The following NAALADL2 variants were observed in gnomAD, a reference collection of about 807,000 sequenced individuals.
The protein encoded by NAALADL2 is N-acetylated alpha-linked acidic dipeptidase like 2.
Under a neutral mutation model 87.2 loss-of-function variants are expected in NAALADL2, and 76 were observed. The observed-to-expected ratio is 0.87, with a 90% CI of 0.72 to 1.05. The LOEUF is 1.05. Ranked by LOEUF, NAALADL2 falls within the 50% of genes least tolerant of loss-of-function variation. NAALADL2 has a pLI of 0.00. For synonymous variants in NAALADL2, 354 were observed against 331.0 expected (o/e 1.07, Z -0.75); for missense variants, 1,089 against 945.8 (o/e 1.15, Z -1.99).
At chr3:175,150,039 C>T (rs965492450) in intron 2 of NAALADL2, among the ~76,000 whole-genome samples, 7 of 152,152 alleles carry the variant, frequency 4.6e-5, no homozygotes, top group Admixed American at 4.6e-4. Flanking sequence ...GCTACTACCT[C>T]AGGTATTAGA....
At chr3:174,940,557 A>AT (rs1000832813) in intron 1 of NAALADL2, among the ~76,000 whole-genome samples, 4 of 151,134 alleles carry the variant, frequency 2.6e-5, no homozygotes, top group Admixed American at 2.0e-4. Flanking sequence ...CTCCTCTTCA[A>AT]TTTTTTTTTG....
intron 1 of NAALADL2, among the ~76,000 whole-genome samples, chr3:175,030,862 G>A (rs1050254065): frequency 9.9e-5 from 15 of 151,692 alleles, no homozygotes; most frequent in African/African-American, 3.2e-4. Flanking sequence ...ATTTTGGATT[G>A]TATCTATTTA....
intron 2 of NAALADL2, among the ~76,000 whole-genome samples, chr3:175,191,075 A>T (rs1738120566): frequency 6.6e-6 from 1 of 152,176 alleles, no homozygotes; most frequent in Admixed American, 6.5e-5. Flanking sequence ...ATGGTTAATA[A>T]CATTGTACTG....
chr3:174,503,527 T>TC (rs1719031910), intron 1 of NAALADL2, among the ~76,000 whole-genome samples: 4 of 152,278 alleles, frequency 2.6e-5, no homozygotes, highest in Middle Eastern at 3.4e-3. Context: ...TTGTCCAAAC[T>TC]CTATTTTTTA....
At chr3:174,662,286 T>A (rs1028165863) in intron 2 of NAALADL2, among the ~76,000 whole-genome samples, 1 of 152,142 alleles carries the variant, frequency 6.6e-6, no homozygotes, top group Non-Finnish European at 1.5e-5. Context: ...CAACTTGAAG[T>A]GGAGAGTATA....
At chr3:174,726,593 G>A (rs1732214079) in intron 2 of NAALADL2, among the ~76,000 whole-genome samples, 2 of 151,780 alleles carry the variant, frequency 1.3e-5, no homozygotes, top group African/African-American at 2.4e-5. Flanking sequence ...ATAGTACTTG[G>A]CTTCTTTGCA....
upstream of NAALADL2, among the ~76,000 whole-genome samples, chr3:174,855,999 TATATGA>T (rs1419936883): frequency 1.5e-5 from 2 of 131,928 alleles, no homozygotes; most frequent in African/African-American, 5.7e-5. Context: ...TATATATATA[TATATGA>T]GAGAGAGAAG....
intron 2 of NAALADL2, among the ~76,000 whole-genome samples, chr3:174,649,872 A>C (rs1475435287): frequency 6.6e-6 from 1 of 152,122 alleles, no homozygotes; most frequent in Non-Finnish European, 1.5e-5. Flanking sequence ...TGAGTATTAA[A>C]ATCTTTTTAT....
chr3:175,554,786 C>T (rs1174833157), intron 9 of NAALADL2, among the ~76,000 whole-genome samples: 1 of 152,022 alleles, frequency 6.6e-6, no homozygotes, highest in Non-Finnish European at 1.5e-5. Flanking sequence ...ATAAAAAATA[C>T]TGCTTAAAGT....
intron 11 of NAALADL2, among the ~76,000 whole-genome samples, chr3:175,662,927 C>A (rs1419499521): frequency 1.3e-5 from 2 of 151,584 alleles, no homozygotes; most frequent in African/African-American, 4.8e-5. Flanking sequence ...TTACTTTCTT[C>A]AGGGATATTG....
chr3:174,995,371 TA>T (rs1366771277), intron 1 of NAALADL2, among the ~76,000 whole-genome samples: 4 of 152,266 alleles, frequency 2.6e-5, no homozygotes, highest in South Asian at 2.1e-4. Context: ...TTAAAAAATT[TA>T]AAACTTATAG....
chr3:174,882,486 T>C (rs1352779325), intron 1 of NAALADL2, among the ~76,000 whole-genome samples: 1 of 151,114 alleles, frequency 6.6e-6, no homozygotes, highest in Non-Finnish European at 1.5e-5. Flanking sequence ...TGCATACATA[T>C]GTGCATATAC....
chr3:174,500,860 T>TG (rs1553774331), intron 1 of NAALADL2, among the ~76,000 whole-genome samples: 2 of 35,140 alleles, frequency 5.7e-5, no homozygotes, highest in South Asian at 1.7e-3. Flanking sequence ...CATTGGATAA[T>TG]TTTTTTTTTT....
chr3:175,081,564 T>G (rs2109243922), intron 1 of NAALADL2, among the ~76,000 whole-genome samples: 1 of 152,330 alleles, frequency 6.6e-6, no homozygotes, highest in South Asian at 2.1e-4. Context: ...TCTTTCCTAC[T>G]GGCCTCTAAT....
intron 1 of NAALADL2, among the ~76,000 whole-genome samples, chr3:175,034,212 A>T (rs924153399): frequency 1.4e-4 from 21 of 152,096 alleles, no homozygotes; most frequent in Non-Finnish European, 2.5e-4. Context: ...TATTGAAAGG[A>T]TGACCTCATT....
intron 1 of NAALADL2, among the ~76,000 whole-genome samples, chr3:174,890,179 TAAAGAAAAAG>T (rs66497028): frequency 1.3e-5 from 2 of 151,754 alleles, no homozygotes; most frequent in South Asian, 4.2e-4. Context: ...TGTATAGTAA[TAAAGAAAAAG>T]AAATTTCTGC....
At chr3:175,591,798 A>G (rs1469978270) in intron 10 of NAALADL2, among the ~76,000 whole-genome samples, 3,956 of 16,324 alleles carry the variant, frequency 0.24, 225 homozygotes, top group African/African-American at 0.35. Flanking sequence ...ATATATATAT[A>G]TATATATATA....
At chr3:174,971,845 A>G (rs1743705737) in intron 1 of NAALADL2, among the ~76,000 whole-genome samples, 3 of 152,176 alleles carry the variant, frequency 2.0e-5, no homozygotes, top group East Asian at 1.9e-4. Flanking sequence ...TTACAGGCAC[A>G]TGCCACGACG....
intron 5 of NAALADL2, among the ~76,000 whole-genome samples, chr3:175,363,890 C>T (rs1560433997): frequency 6.8e-6 from 1 of 148,016 alleles, no homozygotes; most frequent in Non-Finnish European, 1.5e-5. Flanking sequence ...GCATATTGAA[C>T]TATCCTGTGT....
Sources: allele counts gnomAD v4.1 joint callset (sites outside exome capture counted in the v4.1 genomes callset), GRCh38; gene constraint gnomAD v4.1.1; transcripts MANE v1.5; gene names NCBI Gene and HGNC (gene_info 2026-07-23, HGNC 2026-07-21).